The following KCNIP1 variants were observed in gnomAD, a reference collection of about 807,000 sequenced individuals.
KCNIP1 encodes A-type potassium channel modulatory protein KCNIP1.
In KCNIP1, 18 loss-of-function variants were observed where a neutral mutation model predicts 33.0. That is an observed-to-expected ratio of 0.55 (90% CI 0.38 to 0.81). KCNIP1 has a LOEUF of 0.81. KCNIP1 is among the 30% of genes least tolerant of loss of function. The pLI is 0.00. For missense variants in KCNIP1, 238 were observed against 271.6 expected (o/e 0.88, Z 0.87); for synonymous variants, 93 against 98.3 (o/e 0.95, Z 0.32).
intron 1 of KCNIP1, among the ~76,000 whole-genome samples, chr5:170,585,962 A>T (rs74742312): frequency 6.6e-6 from 1 of 152,182 alleles, no homozygotes; most frequent in African/African-American, 2.4e-5. Flanking sequence ...CTTGGCCCTG[A>T]AGAGCGTAGT....
chr5:170,683,675 T>A (rs989104366), intron 1 of KCNIP1, among the ~76,000 whole-genome samples: 3 of 152,054 alleles, frequency 2.0e-5, no homozygotes, highest in African/African-American at 4.8e-5. Context: ...AAAGAACCCA[T>A]CTGTAGTCTT....
chr5:170,395,925 C>T (rs1344773198), intron 1 of KCNIP1, among the ~76,000 whole-genome samples: 2 of 152,182 alleles, frequency 1.3e-5, no homozygotes, highest in Admixed American at 6.5e-5. Flanking sequence ...CTGTGTGAAT[C>T]GGTGTCCCTA....
chr5:170,496,817 C>T (rs1359165549), intron 1 of KCNIP1, among the ~76,000 whole-genome samples: 1 of 152,210 alleles, frequency 6.6e-6, no homozygotes, highest in Non-Finnish European at 1.5e-5. Flanking sequence ...CCCAGGGCCA[C>T]TCTCACCCCA....
chr5:170,640,853 A>G (rs1450977198), intron 1 of KCNIP1, among the ~76,000 whole-genome samples: 1 of 152,246 alleles, frequency 6.6e-6, no homozygotes, highest in East Asian at 1.9e-4. Flanking sequence ...TTGGCATGGG[A>G]TAAACAGAAT....
At chr5:170,672,214 G>A (rs974466954) in intron 1 of KCNIP1, among the ~76,000 whole-genome samples, 1 of 152,234 alleles carries the variant, frequency 6.6e-6, no homozygotes, top group Non-Finnish European at 1.5e-5. Context: ...AGGACATGGG[G>A]CTATGAGAGA....
At chr5:170,360,261 G>T (rs189413183) in intron 1 of KCNIP1, among the ~76,000 whole-genome samples, 4 of 152,184 alleles carry the variant, frequency 2.6e-5, no homozygotes, top group Non-Finnish European at 4.4e-5. Flanking sequence ...TGGAAGTGGC[G>T]ATGTGAAGTC....
intron 1 of KCNIP1, among the ~76,000 whole-genome samples, chr5:170,647,540 A>G (rs1382670897): frequency 6.6e-6 from 1 of 152,080 alleles, no homozygotes; most frequent in Non-Finnish European, 1.5e-5. Context: ...AGTTTTTTCA[A>G]CAAACAGTGC....
intron 1 of KCNIP1, among the ~76,000 whole-genome samples, chr5:170,599,773 C>CT (rs1032705306): frequency 2.0e-5 from 3 of 152,266 alleles, no homozygotes; most frequent in African/African-American, 7.2e-5. Flanking sequence ...ATCCTCTCCT[C>CT]TTCCCCCTTC....
chr5:170,609,308 T>TG (rs1213709980), intron 1 of KCNIP1, among the ~76,000 whole-genome samples: 1 of 152,190 alleles, frequency 6.6e-6, no homozygotes, highest in Admixed American at 6.5e-5. Flanking sequence ...TTTATTGAGT[T>TG]GTCTGTGTCA....
At chr5:170,701,333 G>A (rs1193887653) in intron 1 of KCNIP1, among the ~76,000 whole-genome samples, 1 of 152,144 alleles carries the variant, frequency 6.6e-6, no homozygotes, top group Non-Finnish European at 1.5e-5. Flanking sequence ...ATCACCTTGG[G>A]ACTTAAATGA....
intron 1 of KCNIP1, among the ~76,000 whole-genome samples, chr5:170,583,230 C>G (rs959417762): frequency 6.6e-6 from 1 of 152,218 alleles, no homozygotes; most frequent in African/African-American, 2.4e-5. Context: ...CTTTCTTTCT[C>G]TCCCCACCCT....
intron 1 of KCNIP1, among the ~76,000 whole-genome samples, chr5:170,517,514 A>G (rs555658903): frequency 5.9e-4 from 90 of 152,326 alleles, no homozygotes; most frequent in African/African-American, 2.0e-3. Context: ...GGATTACAAT[A>G]TTAGTGGTAA....
intron 1 of KCNIP1, among the ~76,000 whole-genome samples, chr5:170,668,106 C>T (rs1372331670): frequency 6.6e-6 from 1 of 152,210 alleles, no homozygotes; most frequent in Admixed American, 6.5e-5. Context: ...AGAAATGCAA[C>T]ATGCACTTTT....
rs925293775 is a variant in KCNIP1 at position 170,546,110 on chromosome 5, T to C, written c.61+41477T>C. Among the ~76,000 whole-genome samples the C allele has an allele frequency of 3.9e-5, 6 of 152,198 alleles. No individual in the cohort carries two copies. The South Asian group carries it at 1.2e-3, about 31-fold the overall frequency. ...CCACCTCTGGCTTTTCCCATTTCCT[T>C]GTGTGGTCTTCATGGCTTTGGCTGG... On this transcript the variant is annotated intron_variant, in intron 1 of 7. Coordinates refer to ENST00000328939, the MANE Select transcript of KCNIP1 (RefSeq NM_014592.4).
chr5:170,482,739 G>A (rs1757002952), intron 1 of KCNIP1, among the ~76,000 whole-genome samples: 1 of 152,162 alleles, frequency 6.6e-6, no homozygotes, highest in South Asian at 2.1e-4. Context: ...GTCAAGTAAC[G>A]TCCAAGGCCA....
intron 1 of KCNIP1, among the ~76,000 whole-genome samples, chr5:170,465,505 G>A (rs1756590170): frequency 6.6e-6 from 1 of 152,168 alleles, no homozygotes; most frequent in African/African-American, 2.4e-5. Context: ...AACTTTTATT[G>A]AGCACCTACT....
At chr5:170,568,868 T>A (rs143321032) in intron 1 of KCNIP1, among the ~76,000 whole-genome samples, 1 of 152,146 alleles carries the variant, frequency 6.6e-6, no homozygotes, top group African/African-American at 2.4e-5. Context: ...TGTATTGAGC[T>A]GAAATTCTGG....
chr5:170,718,619 G>A, intron 1 of KCNIP1, 139 bp from the exon 2 acceptor site: 1 of 913,466 alleles, frequency 1.1e-6, no homozygotes, highest in South Asian at 1.6e-5. Context: ...TTCAAGATAG[G>A]AAGGCCATTG....
chr5:170,684,384 T>A (rs1450366934), intron 1 of KCNIP1, among the ~76,000 whole-genome samples: 1 of 152,208 alleles, frequency 6.6e-6, no homozygotes, highest in Non-Finnish European at 1.5e-5. Flanking sequence ...GAAGGATTCC[T>A]CCTTGCCTCT....
Sources: allele counts gnomAD v4.1 joint callset (sites outside exome capture counted in the v4.1 genomes callset), GRCh38; gene constraint gnomAD v4.1.1; transcripts MANE v1.5; gene names NCBI Gene and HGNC (gene_info 2026-07-23, HGNC 2026-07-21).